Variants in IQCM observed in about 807,000 individuals in gnomAD.
The protein encoded by IQCM is IQ motif containing M.
A neutral mutation model predicts 57.6 loss-of-function variants in IQCM; 45 were observed. That is an observed-to-expected ratio of 0.78 (90% CI 0.62 to 1.00). The LOEUF (loss-of-function observed/expected upper bound fraction) is 1.00, where lower values mean the gene tolerates loss of function less well. IQCM is among the 50% of genes least tolerant of loss of function. The probability of loss-of-function intolerance (pLI) is 0.00; values close to 1 mark genes in which losing one functional copy is unlikely to be tolerated. For synonymous variants in IQCM, 148 were observed against 158.9 expected, an observed-to-expected ratio of 0.93 and a Z score of 0.51; for missense variants, 468 against 511.6, an observed-to-expected ratio of 0.91 and a Z score of 0.82.
chr4:149,599,479 G>T (rs1003383738), intron 8 of IQCM, among the ~76,000 whole-genome samples: 2 of 151,628 alleles, frequency 1.3e-5, no homozygotes, highest in African/African-American at 4.8e-5. Flanking sequence ...ATGAAGAGAA[G>T]GAAAAAGACA....
At chr4:149,558,897 T>C (rs552195729) in intron 10 of IQCM, among the ~76,000 whole-genome samples, 3 of 152,304 alleles carry the variant, frequency 2.0e-5, no homozygotes, top group South Asian at 2.1e-4. Flanking sequence ...ATCTCAAGGA[T>C]TTCCCACAAA....
At chr4:149,787,389 A>G (rs1364159187) in intron 2 of IQCM, among the ~76,000 whole-genome samples, 1 of 152,196 alleles carries the variant, frequency 6.6e-6, no homozygotes, top group Non-Finnish European at 1.5e-5. Flanking sequence ...AACAAAAAAT[A>G]TCCTAAATAT....
chr4:149,646,090 T>C (rs1205979001), intron 7 of IQCM, among the ~76,000 whole-genome samples: 2 of 152,170 alleles, frequency 1.3e-5, no homozygotes, highest in African/African-American at 4.8e-5. Flanking sequence ...AATCCCAGCC[T>C]TGGGGGAGAA....
chr4:149,799,955 T>C (rs1368915322), intron 2 of IQCM, among the ~76,000 whole-genome samples: 7 of 151,904 alleles, frequency 4.6e-5, no homozygotes, highest in Non-Finnish European at 7.4e-5. Context: ...ATTCAAACTA[T>C]TCTAAAAAAT....
At position 149,727,700 on chromosome 4, in the gene IQCM, G is replaced by A. The variant is rs1306524675; in HGVS notation, c.385+5544C>T. On this transcript the variant is annotated intron_variant, in intron 5 of 13. Transcript: ENST00000636793. The stretch of plus-strand genomic sequence containing the variant: ...TCATCCCCCCTTCCTGGTTGTTTAT[G>A]TGTCAGCTGAAGCTGGTCCTATGAA... 2.0e-5 allele frequency among the ~76,000 whole-genome samples: 3 copies of A among 152,160 alleles called. No individual in the cohort carries two copies. The East Asian group carries it at 5.8e-4, about 29-fold the overall frequency.
At chr4:149,578,522 T>G (rs1751871281) in intron 9 of IQCM, among the ~76,000 whole-genome samples, 1 of 151,708 alleles carries the variant, frequency 6.6e-6, no homozygotes, top group Non-Finnish European at 1.5e-5. Context: ...CCCAACACAG[T>G]TATTTATTCC....
intron 5 of IQCM, among the ~76,000 whole-genome samples, chr4:149,701,408 G>A (rs1392818183): frequency 1.3e-5 from 2 of 152,124 alleles, no homozygotes; most frequent in African/African-American, 4.8e-5. Context: ...CATGGGACGA[G>A]GTGTAATTAC....
intron 13 of IQCM, among the ~76,000 whole-genome samples, chr4:149,353,890 G>A (rs1728742394): frequency 6.6e-6 from 1 of 152,040 alleles, no homozygotes; most frequent in Non-Finnish European, 1.5e-5. Context: ...CAATACAATT[G>A]TACCGTATTT....
intron 5 of IQCM, among the ~76,000 whole-genome samples, chr4:149,704,448 C>A (rs963821850): frequency 2.0e-5 from 3 of 151,950 alleles, no homozygotes; most frequent in African/African-American, 7.2e-5. Context: ...CACTTCCTTG[C>A]CACAAAGATA....
At chr4:149,413,616 C>T (rs548163530) in intron 13 of IQCM, among the ~76,000 whole-genome samples, 1 of 152,198 alleles carries the variant, frequency 6.6e-6, no homozygotes, top group East Asian at 1.9e-4. Context: ...AAACAAAGAG[C>T]AGTGTCTAAA....
intron 2 of IQCM, among the ~76,000 whole-genome samples, chr4:149,760,936 GGAAAT>G (rs1769445233): frequency 6.6e-6 from 1 of 152,018 alleles, no homozygotes; most frequent in South Asian, 2.1e-4. Flanking sequence ...TTTTAACAAA[GGAAAT>G]GTATCAAGGC....
At chr4:149,627,236 G>C (rs912755549) in intron 7 of IQCM, among the ~76,000 whole-genome samples, 1 of 152,188 alleles carries the variant, frequency 6.6e-6, no homozygotes, top group Non-Finnish European at 1.5e-5. Context: ...GAATAGGAAA[G>C]TCTCCACCTC....
chr4:149,663,109 G>C (rs903816567), intron 7 of IQCM, among the ~76,000 whole-genome samples: 1 of 151,898 alleles, frequency 6.6e-6, no homozygotes, highest in Admixed American at 6.6e-5. Context: ...CTAACATAAA[G>C]AGTCTTGTAG....
rs77444505 is a variant in IQCM at position 149,483,807 on chromosome 4, A to T, written c.1229-50250T>A. On this transcript the variant is annotated intron_variant, in intron 12 of 13. Coordinates refer to ENST00000636793, the MANE Select transcript of IQCM (RefSeq NM_001363507.2). ...TCATTTTTTTCTATAGTGCAAATCAAGTTTGAGCTTTCTTTGTTTATTTTC... is the reference window on the plus strand; with the variant it reads ...TCATTTTTTTCTATAGTGCAAATCATGTTTGAGCTTTCTTTGTTTATTTTC... Among the ~76,000 whole-genome samples, 1,534 of 151,990 alleles carry T rather than the reference A, an allele frequency of 0.01. 91 individuals carry two copies. The East Asian group carries it at 0.19, about 18-fold the overall frequency.
At chr4:149,518,196 T>C (rs551494385) in intron 12 of IQCM, among the ~76,000 whole-genome samples, 25 of 152,086 alleles carry the variant, frequency 1.6e-4, no homozygotes, top group Non-Finnish European at 3.2e-4. Context: ...CCAAGTACAA[T>C]ATCAAGAATG....
chr4:149,722,643 C>T (rs1765548106), intron 5 of IQCM, among the ~76,000 whole-genome samples: 1 of 151,738 alleles, frequency 6.6e-6, no homozygotes, highest in South Asian at 2.1e-4. Flanking sequence ...GTTCTATTGA[C>T]TTGTGTGTCT....
intron 7 of IQCM, among the ~76,000 whole-genome samples, chr4:149,629,282 A>G (rs970587704): frequency 3.9e-5 from 6 of 152,192 alleles, no homozygotes; most frequent in African/African-American, 9.7e-5. Flanking sequence ...GTTCAAATGG[A>G]ATGAGCTTTC....
chr4:149,380,893 T>G (rs1731031502), intron 13 of IQCM, among the ~76,000 whole-genome samples: 1 of 152,188 alleles, frequency 6.6e-6, no homozygotes, highest in Non-Finnish European at 1.5e-5. Context: ...TTAATAATAC[T>G]ATTTAAGGTT....
intron 13 of IQCM, among the ~76,000 whole-genome samples, chr4:149,353,369 T>C (rs928369829): frequency 3.3e-5 from 5 of 152,090 alleles, no homozygotes; most frequent in African/African-American, 1.2e-4. Context: ...TAGAAAACAG[T>C]ATGGAGTTTC....
Sources: gnomAD v4.1 joint callset for allele counts (sites outside exome capture counted in the v4.1 genomes callset) on GRCh38, gnomAD v4.1.1 for gene constraint, MANE v1.5 for transcripts, NCBI Gene and HGNC (gene_info 2026-07-23, HGNC 2026-07-21) for gene names.